Variants in NPTN observed in about 807,000 individuals in gnomAD.
NPTN encodes neuroplastin.
In NPTN, 5 loss-of-function variants were observed where a neutral mutation model predicts 42.7. The observed-to-expected ratio is 0.12, with a 90% CI of 0.06 to 0.25. The LOEUF (loss-of-function observed/expected upper bound fraction) is 0.25. Among genes scored for constraint, NPTN ranks in the 10% least tolerant of loss-of-function variants. The pLI is 1.00. For missense variants in NPTN, 307 were observed against 525.4 expected (o/e 0.58, Z 4.06); for synonymous variants, 180 against 201.9 (o/e 0.89, Z 0.92).
At chr15:73,564,673 C>T (rs1266595177) in intron 6 of NPTN, among the ~76,000 whole-genome samples, 1 of 152,108 alleles carries the variant, frequency 6.6e-6, no homozygotes, top group East Asian at 1.9e-4. Flanking sequence ...CAAAGACATA[C>T]CAGGTACTAA....
intron 1 of NPTN, among the ~76,000 whole-genome samples, chr15:73,614,947 C>A (rs1016939180): frequency 3.9e-5 from 6 of 151,948 alleles, no homozygotes; most frequent in Non-Finnish European, 7.4e-5. Context: ...AAATCAAATC[C>A]CTAATGTCAG....
intron 6 of NPTN, chr15:73,565,721 T>C (rs989004489): frequency 2.2e-5 from 10 of 456,280 alleles, no homozygotes; most frequent in African/African-American, 2.0e-4. Context: ...ACTGGGGGGA[T>C]AATGGAAACA....
intron 2 of NPTN, among the ~76,000 whole-genome samples, chr15:73,592,442 A>G (rs1896637273): frequency 6.6e-6 from 1 of 152,204 alleles, no homozygotes; most frequent in Admixed American, 6.5e-5. Flanking sequence ...ACCTTTTTAT[A>G]AGAACCACCA....
At chr15:73,620,927 C>G (rs1308419424) in intron 1 of NPTN, among the ~76,000 whole-genome samples, 1 of 152,214 alleles carries the variant, frequency 6.6e-6, no homozygotes, top group Non-Finnish European at 1.5e-5. Flanking sequence ...ACAGACTGAT[C>G]TAAACATTGT....
At chr15:73,582,593 C>A (rs925508122) in intron 4 of NPTN, among the ~76,000 whole-genome samples, 1 of 151,872 alleles carries the variant, frequency 6.6e-6, no homozygotes, top group East Asian at 2.0e-4. Flanking sequence ...TGGCTGTACA[C>A]CATAATCACC....
rs16958094 is a variant in NPTN, at chr15:73,623,123, A to G, written c.91+10002T>C. Among the ~76,000 whole-genome samples the G allele has an allele frequency of 1.2e-3, 180 of 152,352 alleles. No individual in the cohort carries two copies. The East Asian group carries it at 0.026, about 22-fold the overall frequency. ...GCTTAATTTCTAATGGCCAAAGGTT[A>G]TACTTTTACTAGGTTTCATATAAAG... On this transcript the variant is annotated intron_variant, in intron 1 of 8. Coordinates refer to ENST00000345330, the MANE Select transcript of NPTN (RefSeq NM_012428.4).
In NPTN at chr15:73,575,788, A is replaced by G. The variant is rs935860732; in HGVS notation, c.707-1993T>C. On this transcript the variant is annotated intron_variant, in intron 4 of 8. Coordinates refer to ENST00000345330, the MANE Select transcript of NPTN (RefSeq NM_012428.4). ...CCAGGCACAAACTGGTTTTAGACTC[A>G]CCCTCCAGAGGCACCTGGATGGGCA... is the stretch of plus-strand genomic sequence containing the variant. Among the ~76,000 whole-genome samples, 3 of 152,268 alleles carry G rather than the reference A, an allele frequency of 2.0e-5. No homozygotes were observed. The South Asian group carries it at 6.2e-4, about 32-fold the overall frequency.
intron 1 of NPTN, among the ~76,000 whole-genome samples, chr15:73,623,572 A>C (rs1898242339): frequency 6.6e-6 from 1 of 152,172 alleles, no homozygotes; most frequent in Non-Finnish European, 1.5e-5. Flanking sequence ...CTGTGGTCCC[A>C]GCTACTTGGA....
chr15:73,597,064 T>G lies in NPTN; in HGVS notation c.397A>C (p.Ile133Leu). 6.2e-7 allele frequency: 1 copy of G among 1,614,130 alleles called. No homozygotes were observed. The highest frequency in any genetic ancestry group is 8.5e-7 in the Non-Finnish European group (1 of 1,179,990). ...GTGGCCTGGGCTCGAATCCATGTTA[T>G]GGAGGGGTTTTGCCTCAAGTCATTC... ...KRNDLRQNPS[I>L]TWIRAQATIS... Residue 133 changes from isoleucine to leucine, a missense_variant, in exon 2 of 9, where the codon ATA becomes CTA. Physicochemically the swap from Ile to Leu is conservative, Grantham distance 5 (BLOSUM62 2). Coordinates refer to ENST00000345330, the MANE Select transcript of NPTN (RefSeq NM_012428.4). The surrounding 1 kb of genome is among the most constrained non-coding windows in gnomAD (Gnocchi z 6.3).
At chr15:73,624,695 T>C (rs1898309958) in intron 1 of NPTN, among the ~76,000 whole-genome samples, 1 of 152,108 alleles carries the variant, frequency 6.6e-6, no homozygotes, top group African/African-American at 2.4e-5. Context: ...CTCTCTCTCT[T>C]CCCTTGGCCA....
At chr15:73,618,375 C>T (rs1327115294) in intron 1 of NPTN, among the ~76,000 whole-genome samples, 1 of 152,158 alleles carries the variant, frequency 6.6e-6, no homozygotes, top group African/African-American at 2.4e-5. Context: ...CACTCCTGCT[C>T]AATAAACACC....
chr15:73,582,875 C>T (rs1307376356), intron 4 of NPTN, among the ~76,000 whole-genome samples: 7 of 152,218 alleles, frequency 4.6e-5, no homozygotes, highest in Admixed American at 1.3e-4. Flanking sequence ...ATCCTTCTCC[C>T]GTGCTGGATG....
Position 73,570,451 on chromosome 15 carries a change from T to TGA in NPTN, c.841-30_841-29dup, listed in dbSNP as rs1480877803. Reference sequence around the variant, plus strand: ...GCAAAAAAGTGAGAATACACAAAGGTGAGAGTGAGTAACTGAGCTAATGTT... The same window carrying TGA: ...GCAAAAAAGTGAGAATACACAAAGGTGAGAGAGTGAGTAACTGAGCTAATGTT... On this transcript the variant is annotated intron_variant, in intron 5 of 8. Coordinates refer to ENST00000345330, the MANE Select transcript of NPTN (RefSeq NM_012428.4). This position sits in a 1 kb window ranked among gnomAD's most constrained non-coding sequence, Gnocchi z 4.0. The TGA allele has an allele frequency of 1.3e-6, 2 of 1,596,868 alleles. No homozygotes were observed. Among genetic ancestry groups the TGA allele is most frequent in the Non-Finnish European group, 1.7e-6 (2 of 1,169,544 alleles).
At chr15:73,596,926 G>T in intron 2 of NPTN, 96 bp downstream of exon 2, 1 of 1,002,360 alleles carries the variant, frequency 1.0e-6, no homozygotes, top group Non-Finnish European at 1.5e-6. Context: ...TGGGGTGAGT[G>T]ATCATACTGG....
rs1376658307 is a variant in NPTN at position 73,569,517 on chromosome 15, T to C, written c.1114+633A>G. On this transcript the variant is annotated intron_variant, in intron 6 of 8. Coordinates refer to ENST00000345330, the MANE Select transcript of NPTN (RefSeq NM_012428.4). The surrounding 1 kb of genome is among the most constrained non-coding windows in gnomAD (Gnocchi z 4.1). The stretch of plus-strand genomic sequence containing the variant: ...CTCTGTCTTACACTAGATGGGTGGA[T>C]ACATCAGACTCTCCTTTGTCTGTGA... 2.0e-6 allele frequency: 2 copies of C among 985,284 alleles called. No individual in the cohort carries two copies. The highest frequency in any genetic ancestry group is 2.3e-4 in the East Asian group (2 of 8,822). The allele number at this position is 985,284 out of a possible 1,614,324, so 61.0% of individuals were successfully genotyped here. A position where few individuals can be genotyped will look rare whatever the true frequency, so the allele number is the denominator to read the frequency against.
chr15:73,580,686 G>A (rs1173875071), intron 4 of NPTN, among the ~76,000 whole-genome samples: 2 of 150,296 alleles, frequency 1.3e-5, no homozygotes, highest in Non-Finnish European at 1.5e-5. Context: ...GGTAACTGCA[G>A]AGCAAAGAGC....
Position 73,597,449 on chromosome 15 carries a change from TAAAGA to T in NPTN, c.92-85_92-81del, listed in dbSNP as rs984122077. The T allele has an allele frequency of 1.3e-5, 15 of 1,121,416 alleles. No individual in the cohort carries two copies. The highest frequency in any genetic ancestry group is 8.0e-5 in the South Asian group (5 of 62,282). 69.5% of individuals were successfully genotyped at this position (1,121,416 alleles called of 1,614,324 possible). A position where few individuals can be genotyped will look rare whatever the true frequency, so the allele number is the denominator to read the frequency against. On this transcript the variant is annotated intron_variant, in intron 1 of 8. Coordinates refer to ENST00000345330, the MANE Select transcript of NPTN (RefSeq NM_012428.4). This position sits in a 1 kb window ranked among gnomAD's most constrained non-coding sequence, Gnocchi z 6.3. ...GAATCAACAGGTGTTAATAGTAATT[TAAAGA>T]AAAGAAAAGAAAAAAGCAAATGAGT...
At chr15:73,605,701 TG>T (rs2141440433) in intron 1 of NPTN, among the ~76,000 whole-genome samples, 1 of 148,332 alleles carries the variant, frequency 6.7e-6, no homozygotes, top group African/African-American at 2.5e-5. Flanking sequence ...CACTCCAGCC[TG>T]GGCAACAAGA....
intron 1 of NPTN, among the ~76,000 whole-genome samples, chr15:73,598,560 C>T (rs1460959555): frequency 6.6e-6 from 1 of 152,088 alleles, no homozygotes; most frequent in East Asian, 1.9e-4. Context: ...CTCTCTCTTA[C>T]CCTTCCACCC....
Sources: gnomAD v4.1 joint callset for allele counts (sites outside exome capture counted in the v4.1 genomes callset) on GRCh38, gnomAD v4.1.1 for gene constraint, Gnocchi (gnomAD v3.1) non-coding constraint, MANE v1.5 for transcripts, NCBI Gene and HGNC (gene_info 2026-07-23, HGNC 2026-07-21) for gene names.